NTRK3: variants seen among roughly 807,000 people sequenced by gnomAD.
NTRK3 encodes NT-3 growth factor receptor.
Under a neutral mutation model 91.7 loss-of-function variants are expected in NTRK3, and 24 were observed. The observed-to-expected ratio is 0.26, with a 90% CI of 0.19 to 0.37. NTRK3 has a LOEUF of 0.37. Ranked by LOEUF, NTRK3 falls within the 10% of genes least tolerant of loss-of-function variation. NTRK3 has a pLI of 1.00. For missense variants in NTRK3, 880 were observed against 1,068.9 expected (o/e 0.82, Z 2.46); for synonymous variants, 483 against 404.0 (o/e 1.20, Z -2.34).
chr15:88,105,700 C>A lies in NTRK3; in HGVS notation c.1396+20571G>T, dbSNP rs574478345. On this transcript the variant is annotated intron_variant, in intron 13 of 18. Transcript: ENST00000394480. ...AAGGTACCTCATGAGTGGAAATACA[C>A]ACACACACACACCCCCACACCAGAA... 4.8e-3 allele frequency among the ~76,000 whole-genome samples: 731 copies of A among 152,266 alleles called. 2 individuals are homozygous for A. Among genetic ancestry groups the A allele is most frequent in the African/African-American group, 0.017 (691 of 41,548 alleles).
intron 13 of NTRK3, among the ~76,000 whole-genome samples, chr15:88,043,121 A>T (rs891730865): frequency 8.5e-5 from 13 of 152,218 alleles, no homozygotes; most frequent in African/African-American, 2.4e-4. Context: ...CCAGAAATTC[A>T]TAGCACAGGA....
intron 3 of NTRK3, among the ~76,000 whole-genome samples, chr15:88,197,094 C>CA (rs59553739): frequency 0.25 from 13,851 of 56,162 alleles, 3,795 homozygotes; most frequent in East Asian, 0.41. Context: ...TTGAGCAGGA[C>CA]AAAAAAAAAA....
rs1053781469 is a variant in NTRK3 at position 88,111,905 on chromosome 15, T to C, written c.1396+14366A>G. Among the ~76,000 whole-genome samples the C allele has an allele frequency of 4.4e-5, 4 of 91,400 alleles. No individual in the cohort carries two copies. The South Asian group carries it at 9.0e-4, about 21-fold the overall frequency. The allele number at this position is 91,400 out of a possible 152,430, so 60.0% of individuals were successfully genotyped here. ...TCTGGTTTCTGGTTTTTTTTTTGTT[T>C]TTGTTTTTTTTTTTTGAGACAGACA... On this transcript the variant is annotated intron_variant, in intron 13 of 18. Coordinates refer to ENST00000394480, the Ensembl canonical transcript of NTRK3.
At chr15:88,182,760 A>C (rs2046598830) in intron 5 of NTRK3, among the ~76,000 whole-genome samples, 1 of 152,174 alleles carries the variant, frequency 6.6e-6, no homozygotes, top group Non-Finnish European at 1.5e-5. Flanking sequence ...CCCAAAGTTT[A>C]TCAGCCCAGA....
At chr15:88,007,212 T>C (rs2076558040) in intron 14 of NTRK3, among the ~76,000 whole-genome samples, 1 of 152,210 alleles carries the variant, frequency 6.6e-6, no homozygotes, top group Non-Finnish European at 1.5e-5. Context: ...GGGCATTCTG[T>C]TATCCTTATT....
intron 17 of NTRK3, chr15:87,926,729 T>C (rs893781040): frequency 2.0e-5 from 3 of 152,236 alleles, no homozygotes; most frequent in Non-Finnish European, 2.9e-5. Flanking sequence ...TAACAGCACA[T>C]CTAGAAGCAA....
At chr15:87,883,311 C>T (rs959500258) in intron 17 of NTRK3, among the ~76,000 whole-genome samples, 4 of 147,642 alleles carry the variant, frequency 2.7e-5, no homozygotes, top group Non-Finnish European at 6.0e-5. Context: ...TTCACCATTA[C>T]GATGATGAAG....
At chr15:88,056,173 T>G in intron 13 of NTRK3, among the ~76,000 whole-genome samples, 1 of 102,844 alleles carries the variant, frequency 9.7e-6, no homozygotes, top group African/African-American at 3.8e-5. Context: ...ACAGACTGTT[T>G]TCATATATAT....
intron 17 of NTRK3, among the ~76,000 whole-genome samples, chr15:87,920,015 AC>A (rs2067745605): frequency 6.6e-6 from 1 of 152,144 alleles, no homozygotes; most frequent in Non-Finnish European, 1.5e-5. Flanking sequence ...AGAAGGCAAA[AC>A]CCCAAAGAGA....
intron 7 of NTRK3, among the ~76,000 whole-genome samples, chr15:88,137,099 C>T (rs1290927020): frequency 6.6e-6 from 1 of 152,204 alleles, no homozygotes; most frequent in Admixed American, 6.5e-5. Flanking sequence ...TTGAGATACA[C>T]TCCTTCAGGT....
At chr15:87,909,623 G>A (rs752327800) in intron 17 of NTRK3, among the ~76,000 whole-genome samples, 7 of 152,178 alleles carry the variant, frequency 4.6e-5, no homozygotes, top group Non-Finnish European at 8.8e-5. Context: ...GTGATGGACT[G>A]AACTGTGTGC....
At chr15:88,128,632 G>T in intron 11 of NTRK3, 79 bp downstream of exon 11, 1 of 1,432,882 alleles carries the variant, frequency 7.0e-7, no homozygotes, top group Non-Finnish European at 9.9e-7. Context: ...TGGAATAGGA[G>T]AGAGGGCTAT....
chr15:88,256,011 G>A (rs772316369), exon 3 of NTRK3: 1 of 1,613,592 alleles, frequency 6.2e-7, no homozygotes, highest in South Asian at 1.1e-5. Flanking sequence ...CCCATCGTCC[G>A]GCCGCCGGCA....
chr15:88,180,141 C>A (rs983607531), intron 5 of NTRK3, among the ~76,000 whole-genome samples: 1 of 152,166 alleles, frequency 6.6e-6, no homozygotes, highest in East Asian at 1.9e-4. Context: ...TGCCTCTTAT[C>A]GTTTAATCTT....
At chr15:88,224,734 G>A (rs1015426538) in intron 3 of NTRK3, among the ~76,000 whole-genome samples, 21 of 152,182 alleles carry the variant, frequency 1.4e-4, no homozygotes, top group Admixed American at 8.5e-4. Flanking sequence ...GGAGTGCTGC[G>A]ACTCTGGGAA....
intron 13 of NTRK3, among the ~76,000 whole-genome samples, chr15:88,092,404 G>C (rs748252298): frequency 6.6e-6 from 1 of 152,156 alleles, no homozygotes; most frequent in Non-Finnish European, 1.5e-5. Flanking sequence ...CTGCACCTTT[G>C]GCAGGTGAGA....
chr15:88,167,538 C>A (rs62019267), intron 5 of NTRK3, among the ~76,000 whole-genome samples: 1 of 152,204 alleles, frequency 6.6e-6, no homozygotes, highest in African/African-American at 2.4e-5. Flanking sequence ...TTGCTAGCTA[C>A]TTCATCTTAT....
intron 13 of NTRK3, among the ~76,000 whole-genome samples, chr15:88,122,493 CA>C (rs1179067019): frequency 6.6e-6 from 1 of 152,048 alleles, no homozygotes; most frequent in Non-Finnish European, 1.5e-5. Flanking sequence ...GGAATAGGAC[CA>C]GGGGGATGAC....
chr15:87,891,618 A>G (rs536132125), intron 17 of NTRK3, among the ~76,000 whole-genome samples: 63 of 152,338 alleles, frequency 4.1e-4, no homozygotes, highest in African/African-American at 1.5e-3. Flanking sequence ...GATAAAATGT[A>G]ACATACCATA....
Sources: allele counts gnomAD v4.1 joint callset (sites outside exome capture counted in the v4.1 genomes callset), GRCh38; gene constraint gnomAD v4.1.1; transcripts MANE v1.5; gene names NCBI Gene and HGNC (gene_info 2026-07-23, HGNC 2026-07-21).